SPAG17: variants seen among roughly 807,000 people sequenced by gnomAD.
The protein encoded by SPAG17 is sperm-associated antigen 17.
In SPAG17, 169 loss-of-function variants were observed where a neutral mutation model predicts 273.6. That is an observed-to-expected ratio of 0.62 (90% CI 0.55 to 0.70). SPAG17 has a LOEUF of 0.70. Among genes scored for constraint, SPAG17 ranks in the 30% least tolerant of loss-of-function variants. The pLI, the probability that SPAG17 is intolerant of heterozygous loss-of-function variation, is 0.00. For synonymous variants in SPAG17, 825 were observed against 873.2 expected (o/e 0.94, Z 0.97); for missense variants, 2,557 against 2,627.8 (o/e 0.97, Z 0.59).
intron 48 of SPAG17, chr1:117,959,067 T>C (rs1652650181): frequency 1.3e-6 from 2 of 1,503,810 alleles, no homozygotes; most frequent in Admixed American, 1.7e-5. Flanking sequence ...AGAAATAGTA[T>C]AGTATGCTGT....
chr1:117,991,424 C>T lies in SPAG17; in HGVS notation c.5466G>A (p.Lys1822=), dbSNP rs371177916. Residue 1822 remains lysine (K), a synonymous_variant, in exon 37 of 49, where the codon AAG becomes AAA. Transcript: ENST00000336338. ...EERGNAADLL[K]LVMSFPKMEE... Reference sequence around the variant, plus strand: ...CAAGGCATTTTCTCACCATAACCAGCTTGAGGAGATCAGCAGCATTGCCTC... The same window carrying T: ...CAAGGCATTTTCTCACCATAACCAGTTTGAGGAGATCAGCAGCATTGCCTC... 2.5e-6 allele frequency: 4 copies of T among 1,599,338 alleles called. No individual in the cohort carries two copies. In the African/African-American group the frequency reaches 5.4e-5, roughly 22 times the overall value.
At chr1:118,063,647 G>C (rs940909345) in intron 18 of SPAG17, among the ~76,000 whole-genome samples, 3 of 152,074 alleles carry the variant, frequency 2.0e-5, no homozygotes, top group Admixed American at 6.6e-5. Flanking sequence ...AGAAAACCTA[G>C]GCAATACCAT....
intron 32 of SPAG17, among the ~76,000 whole-genome samples, chr1:117,999,903 C>T (rs1658087581): frequency 6.6e-6 from 1 of 152,180 alleles, no homozygotes; most frequent in South Asian, 2.1e-4. Context: ...TTGCCCATGC[C>T]TATGTCCTGA....
rs564040769 is a variant in SPAG17 at position 118,018,895 on chromosome 1, A to T, written c.4070-2713T>A. Among the ~76,000 whole-genome samples the T allele has an allele frequency of 1.2e-3, 176 of 152,102 alleles. 2 individuals carry two copies. The highest frequency in any genetic ancestry group is 4.0e-3 in the African/African-American group (167 of 41,524). ...AAAATATTTGGTATATAATAAACGG[A>T]CTAAAACATCTAAAGACAAGTCCCA... On this transcript the variant is annotated intron_variant, in intron 28 of 48. Transcript: ENST00000336338.
At chr1:118,085,236 G>C (rs1036588808) in intron 13 of SPAG17, among the ~76,000 whole-genome samples, 9 of 151,974 alleles carry the variant, frequency 5.9e-5, no homozygotes, top group Non-Finnish European at 2.9e-5. Context: ...AACTGTGAAA[G>C]GACAGAATGG....
At position 118,016,089 on chromosome 1, in the gene SPAG17, A is replaced by G. The variant is rs773803163; in HGVS notation, c.4163T>C (p.Val1388Ala). The G allele has an allele frequency of 6.2e-7, 1 of 1,613,856 alleles. No homozygotes were observed. Reference protein sequence around the residue: ...EAVQTVTPVEVHIGTWFTTTP... With the variant: ...EAVQTVTPVEAHIGTWFTTTP... ...GGTTGTAAACCAGGTGCCTATGTGA[A>G]CCTCCACAGGAGTTACAGTTTGAAC... Residue 1388 changes from valine (V) to alanine (A), a missense_variant, in exon 29 of 49, where the codon GTT becomes GCT. Physicochemically the swap from Val to Ala is moderately conservative, Grantham distance 64 (BLOSUM62 0). Transcript: ENST00000336338.
chr1:118,051,752 A>G (rs1057195318), intron 20 of SPAG17, among the ~76,000 whole-genome samples: 6 of 145,136 alleles, frequency 4.1e-5, no homozygotes, highest in African/African-American at 1.5e-4. Flanking sequence ...TATATTATAT[A>G]TAGTATAATA....
Position 117,953,642 on chromosome 1 carries a change from A to G in SPAG17, c.*408T>C. On this transcript the variant is annotated 3_prime_UTR_variant, in exon 49 of 49. Transcript: ENST00000336338. The stretch of plus-strand genomic sequence containing the variant: ...AACCAGAAAGCCATTTTTTTGGCAA[A>G]AAGTTGATGAGATTTAAAGATGGGG... 1.7e-6 allele frequency: 2 copies of G among 1,158,760 alleles called. No individual in the cohort carries two copies. Among genetic ancestry groups the G allele is most frequent in the Non-Finnish European group, 2.5e-6 (2 of 811,878 alleles). The allele number at this position is 1,158,760 out of a possible 1,614,324, so 71.8% of individuals were successfully genotyped here. A position where few individuals can be genotyped will look rare whatever the true frequency, so the allele number is the denominator to read the frequency against.
In SPAG17 at chr1:118,042,059, GA is replaced by G; in HGVS notation, c.2815-18del. On this transcript the variant is annotated intron_variant, in intron 20 of 48. Transcript: ENST00000336338. ...TTTCCATGCCTGTAAACACATTTAAGAAATTTAACAGGATTTTTAAACGAAT... is the reference window on the plus strand; with the variant it reads ...TTTCCATGCCTGTAAACACATTTAAGAATTTAACAGGATTTTTAAACGAAT... 6.3e-7 allele frequency: 1 copy of G among 1,591,752 alleles called. No homozygotes were observed. The highest frequency in any genetic ancestry group is 8.5e-7 in the Non-Finnish European group (1 of 1,174,482).
intron 8 of SPAG17, among the ~76,000 whole-genome samples, chr1:118,092,305 A>C (rs1046627646): frequency 2.0e-5 from 3 of 152,136 alleles, no homozygotes. Context: ...TGGGTGACTC[A>C]GAGTCATCCC....
Position 118,115,406 on chromosome 1 carries a change from T to C in SPAG17, c.351A>G (p.Gly117=). The change falls in exon 4 of 49, where the codon GGA becomes GGG. Residue 117 remains glycine (G), a synonymous_variant. Coordinates refer to ENST00000336338, the MANE Select transcript of SPAG17 (RefSeq NM_206996.4). ...CTATCAGTGGTAAGGTTAATTTCTCTCCACTATCCATAATTGCTTTTGCTG... is the reference window on the plus strand; with the variant it reads ...CTATCAGTGGTAAGGTTAATTTCTCCCCACTATCCATAATTGCTTTTGCTG... ...LTAAKAIMDS[G]EKLTLPLIGK... 1 of 1,613,518 alleles carries C rather than the reference T, an allele frequency of 6.2e-7. No homozygotes were observed. The highest frequency in any genetic ancestry group is 8.5e-7 in the Non-Finnish European group (1 of 1,179,568).
rs369601753 is a variant in SPAG17 at position 117,958,805 on chromosome 1, T to C, written c.*1-4756A>G. 1.9e-5 allele frequency: 13 copies of C among 698,224 alleles called. No homozygotes were observed. The African/African-American group carries it at 2.2e-4, about 12-fold the overall frequency. The allele number at this position is 698,224 out of a possible 1,614,324, so 43.3% of individuals were successfully genotyped here. On this transcript the variant is annotated intron_variant, in intron 48 of 48. Coordinates refer to ENST00000336338, the MANE Select transcript of SPAG17 (RefSeq NM_206996.4). ...TTTTGCTCGAAACATTTCTATAATGTATATTTTGTTGTTGCTTTGATATTG... is the reference window on the plus strand; with the variant it reads ...TTTTGCTCGAAACATTTCTATAATGCATATTTTGTTGTTGCTTTGATATTG...
intron 28 of SPAG17, among the ~76,000 whole-genome samples, chr1:118,022,532 T>G (rs1291112818): frequency 6.6e-6 from 1 of 152,102 alleles, no homozygotes; most frequent in East Asian, 1.9e-4. Context: ...TGAATAAGAT[T>G]AAAAGAATGA....
In SPAG17 at chr1:117,996,476, T is replaced by C. The variant is rs1657673731; in HGVS notation, c.4947A>G (p.Gly1649=). The C allele has an allele frequency of 1.2e-6, 2 of 1,612,782 alleles. No individual in the cohort carries two copies. The highest frequency in any genetic ancestry group is 2.7e-5 in the African/African-American group (2 of 74,830). The change falls in exon 34 of 49, where the codon GGA becomes GGG. Residue 1649 remains glycine, a synonymous_variant. Coordinates refer to ENST00000336338, the MANE Select transcript of SPAG17 (RefSeq NM_206996.4). ...TGTCTCGAAGAAGTTCCATTCCTGA[T>C]CCATCAGCATACATAACAAAAAACC... ...VPRFFVMYAD[G]SGMELLRDSD...
chr1:118,150,645 A>G lies in SPAG17; in HGVS notation c.229-16T>C. ...TTTCATTAATCTGTAAGAAAATTAA[A>G]TTTACTTATGATGAAAAAAGCCTTA... On this transcript the variant is annotated splice_polypyrimidine_tract_variant and intron_variant, in intron 2 of 48. Transcript: ENST00000336338. The G allele has an allele frequency of 7.3e-7, 1 of 1,370,696 alleles. No individual in the cohort carries two copies. The highest frequency in any genetic ancestry group is 1.0e-6 in the Non-Finnish European group (1 of 979,790). The allele number at this position is 1,370,696 out of a possible 1,614,324, so 84.9% of individuals were successfully genotyped here.
intron 20 of SPAG17, among the ~76,000 whole-genome samples, chr1:118,044,723 A>G (rs1357222015): frequency 6.6e-6 from 1 of 152,064 alleles, no homozygotes; most frequent in Non-Finnish European, 1.5e-5. Flanking sequence ...TGTTCTTATG[A>G]TACTGAGTGA....
intron 47 of SPAG17, chr1:117,965,815 T>C (rs1203922136): frequency 6.6e-6 from 1 of 152,230 alleles, no homozygotes; most frequent in Non-Finnish European, 1.5e-5. Flanking sequence ...GGATTTAAGA[T>C]CTTTCATAAC....
intron 15 of SPAG17, among the ~76,000 whole-genome samples, chr1:118,075,461 C>G (rs145132522): frequency 1.3e-5 from 2 of 152,178 alleles, no homozygotes. Flanking sequence ...CATAGATCAA[C>G]GAACATCTCA....
intron 17 of SPAG17, among the ~76,000 whole-genome samples, chr1:118,067,217 T>A (rs113426037): frequency 1.3e-5 from 2 of 152,344 alleles, no homozygotes; most frequent in African/African-American, 4.8e-5. Flanking sequence ...GCATTTTCCA[T>A]GCCTTGATAT....
Sources: gnomAD v4.1 joint callset for allele counts (sites outside exome capture counted in the v4.1 genomes callset) on GRCh38, gnomAD v4.1.1 for gene constraint, MANE v1.5 for transcripts, NCBI Gene and HGNC (gene_info 2026-07-23, HGNC 2026-07-21) for gene names.